OTUD7A: variants seen among roughly 807,000 people sequenced by gnomAD.
OTUD7A encodes OTU deubiquitinase 7A.
OTUD7A carries 12 observed loss-of-function variants against 65.7 expected under a neutral mutation model. The ratio of observed to expected loss-of-function variants is 0.18; its 90% confidence interval spans 0.12 to 0.30. The LOEUF (loss-of-function observed/expected upper bound fraction) is 0.30. Among genes scored for constraint, OTUD7A ranks in the 10% least tolerant of loss-of-function variants. The probability of loss-of-function intolerance (pLI) is 1.00; values close to 1 mark genes in which losing one functional copy is unlikely to be tolerated. For missense variants in OTUD7A, 1,148 were observed against 1,304.8 expected, an observed-to-expected ratio of 0.88 and a Z score of 1.85; for synonymous variants, 641 against 586.3, an observed-to-expected ratio of 1.09 and a Z score of -1.35.
At chr15:31,778,991 A>T (rs1895464784) in intron 1 of OTUD7A, among the ~76,000 whole-genome samples, 1 of 152,252 alleles carries the variant, frequency 6.6e-6, no homozygotes, top group Non-Finnish European at 1.5e-5. Flanking sequence ...GGAAACAGCT[A>T]CATCTTGAAT....
intron 1 of OTUD7A, chr15:31,767,208 T>G (rs893829298): frequency 4.9e-5 from 51 of 1,037,344 alleles, no homozygotes; most frequent in Non-Finnish European, 7.0e-5. Flanking sequence ...TTTTGAAGAC[T>G]GGGGATCATC....
intron 1 of OTUD7A, among the ~76,000 whole-genome samples, chr15:31,717,617 C>T (rs925683088): frequency 6.6e-6 from 1 of 152,166 alleles, no homozygotes; most frequent in Non-Finnish European, 1.5e-5. Context: ...ATATGTGCCA[C>T]ATTTTCTTTA....
intron 1 of OTUD7A, among the ~76,000 whole-genome samples, chr15:31,868,796 C>T (rs544251612): frequency 3.3e-5 from 5 of 152,168 alleles, no homozygotes; most frequent in Non-Finnish European, 5.9e-5. Context: ...CGTAAAGCGG[C>T]GATTTCCACC....
At chr15:31,633,100 G>C (rs191745876) in intron 3 of OTUD7A, among the ~76,000 whole-genome samples, 1 of 152,242 alleles carries the variant, frequency 6.6e-6, no homozygotes, top group East Asian at 1.9e-4. Context: ...GCCCTGCTTC[G>C]GCCCACGCAC....
At chr15:31,632,725 G>T (rs1344004742) in intron 3 of OTUD7A, among the ~76,000 whole-genome samples, 1 of 152,208 alleles carries the variant, frequency 6.6e-6, no homozygotes, top group Non-Finnish European at 1.5e-5. Flanking sequence ...CCCAGAGGTG[G>T]AGCCTACAGA....
At chr15:31,740,184 C>A (rs1894301991) in intron 1 of OTUD7A, among the ~76,000 whole-genome samples, 1 of 152,222 alleles carries the variant, frequency 6.6e-6, no homozygotes, top group African/African-American at 2.4e-5. Context: ...GAGCTGGTGA[C>A]TTGAGTGCCT....
rs540437256 is a variant in OTUD7A, at chr15:31,694,907, G to A, written c.-99-37830C>T. Among the ~76,000 whole-genome samples the A allele has an allele frequency of 1.4e-3, 210 of 151,466 alleles. 2 individuals are homozygous for A. The highest frequency in any genetic ancestry group is 4.8e-3 in the African/African-American group (198 of 41,268). Reference sequence around the variant, plus strand: ...GTCGCCCAGGTTGGAGTGCAGTGGCGCGATCTCGGCTCACTGCAAGCTCCG... The same window carrying A: ...GTCGCCCAGGTTGGAGTGCAGTGGCACGATCTCGGCTCACTGCAAGCTCCG... On this transcript the variant is annotated intron_variant, in intron 1 of 12. Coordinates refer to ENST00000307050, the MANE Select transcript of OTUD7A (RefSeq NM_001382637.1).
intron 1 of OTUD7A, among the ~76,000 whole-genome samples, chr15:31,822,608 A>C (rs1331102597): frequency 6.6e-6 from 1 of 152,166 alleles, no homozygotes. Context: ...TAACCAGACA[A>C]GCTTCTCTTC....
intron 1 of OTUD7A, among the ~76,000 whole-genome samples, chr15:31,773,789 G>A (rs1466333191): frequency 3.3e-5 from 5 of 152,088 alleles, no homozygotes; most frequent in Non-Finnish European, 7.4e-5. Flanking sequence ...ATTTGCAGTC[G>A]ACCAACAGAT....
At chr15:31,615,612 C>G (rs564705497) in intron 3 of OTUD7A, among the ~76,000 whole-genome samples, 1 of 152,332 alleles carries the variant, frequency 6.6e-6, no homozygotes, top group South Asian at 2.1e-4. Context: ...ATATACAGAT[C>G]ACTGCACCAA....
chr15:31,721,094 C>T (rs1305110251), intron 1 of OTUD7A, among the ~76,000 whole-genome samples: 1 of 152,228 alleles, frequency 6.6e-6, no homozygotes, highest in African/African-American at 2.4e-5. Flanking sequence ...GCACACTCTA[C>T]GATGTTCACA....
intron 8 of OTUD7A, among the ~76,000 whole-genome samples, chr15:31,506,689 A>G (rs1301603741): frequency 1.3e-5 from 2 of 152,178 alleles, no homozygotes; most frequent in African/African-American, 4.8e-5. Context: ...AGCTTTTGGA[A>G]AAAGCATTTT....
intron 3 of OTUD7A, among the ~76,000 whole-genome samples, chr15:31,592,318 A>G (rs1035780340): frequency 6.6e-6 from 1 of 152,202 alleles, no homozygotes; most frequent in Admixed American, 6.5e-5. Context: ...TAAAATACAA[A>G]CATATGTACA....
intron 5 of OTUD7A, among the ~76,000 whole-genome samples, chr15:31,539,403 G>T (rs1887917091): frequency 6.6e-6 from 1 of 152,178 alleles, no homozygotes; most frequent in South Asian, 2.1e-4. Flanking sequence ...TGGGAGAAGG[G>T]TGAGGAATTA....
intron 1 of OTUD7A, among the ~76,000 whole-genome samples, chr15:31,676,437 G>A (rs1470140114): frequency 6.6e-6 from 1 of 152,144 alleles, no homozygotes; most frequent in African/African-American, 2.4e-5. Flanking sequence ...TATCCATGTG[G>A]CCAGTTCTTT....
intron 3 of OTUD7A, among the ~76,000 whole-genome samples, chr15:31,601,585 A>G (rs1175160449): frequency 6.6e-6 from 1 of 152,232 alleles, no homozygotes; most frequent in Non-Finnish European, 1.5e-5. Context: ...AAAAGCTAGC[A>G]GAAGACAAGA....
chr15:31,863,441 A>T (rs1897797370), intron 1 of OTUD7A, among the ~76,000 whole-genome samples: 1 of 152,226 alleles, frequency 6.6e-6, no homozygotes, highest in East Asian at 1.9e-4. Flanking sequence ...ATTTCCATAC[A>T]TCTTCTGAAA....
intron 1 of OTUD7A, among the ~76,000 whole-genome samples, chr15:31,721,605 A>C (rs1490881097): frequency 1.3e-5 from 2 of 152,036 alleles, no homozygotes; most frequent in Non-Finnish European, 2.9e-5. Context: ...AAGCCCTATC[A>C]CTCATTTCCT....
At chr15:31,684,125 T>C (rs1892783232) in intron 1 of OTUD7A, among the ~76,000 whole-genome samples, 1 of 152,252 alleles carries the variant, frequency 6.6e-6, no homozygotes, top group Admixed American at 6.5e-5. Context: ...GACTTGCACA[T>C]TGTCTCCACA....
Sources: allele counts gnomAD v4.1 joint callset (sites outside exome capture counted in the v4.1 genomes callset), GRCh38; gene constraint gnomAD v4.1.1; transcripts MANE v1.5; gene names NCBI Gene and HGNC (gene_info 2026-07-23, HGNC 2026-07-21).